The following CSF2RB variants were observed in gnomAD, a reference collection of about 807,000 sequenced individuals.
CSF2RB encodes cytokine receptor common subunit beta.
A neutral mutation model predicts 67.2 loss-of-function variants in CSF2RB; 22 were observed. That is an observed-to-expected ratio of 0.33 (90% CI 0.23 to 0.47). The LOEUF is 0.47. Among genes scored for constraint, CSF2RB ranks in the 20% least tolerant of loss-of-function variants. CSF2RB has a pLI of 1.00. For missense variants in CSF2RB, 1,113 were observed against 1,174.5 expected (o/e 0.95, Z 0.76); for synonymous variants, 507 against 482.9 (o/e 1.05, Z -0.65).
intron 6 of CSF2RB, 73 bp downstream of exon 6, chr22:36,929,880 G>T: frequency 6.5e-6 from 10 of 1,548,084 alleles, no homozygotes; most frequent in Non-Finnish European, 8.7e-6. Flanking sequence ...GGCACAGCAG[G>T]GTTCCTGGGC....
intron 8 of CSF2RB, 53 bp downstream of exon 8, chr22:36,930,883 A>G: frequency 1.2e-6 from 2 of 1,601,352 alleles, no homozygotes; most frequent in East Asian, 4.5e-5. Flanking sequence ...GCACACCCTC[A>G]TTGTGTAACC....
intron 3 of CSF2RB, among the ~76,000 whole-genome samples, 190 bp downstream of exon 3, chr22:36,923,557 C>T (rs367789196): frequency 1.3e-3 from 202 of 152,342 alleles, no homozygotes; most frequent in South Asian, 1.7e-3. Flanking sequence ...GTGCTGCCGT[C>T]TGACCTGGGG....
chr22:36,929,661 A>G lies in CSF2RB; in HGVS notation c.572A>G (p.Asn191Ser), dbSNP rs113156338. 8.2e-5 allele frequency: 133 copies of G among 1,614,034 alleles called. 1 individual carries two copies. The African/African-American group carries it at 1.4e-3, about 17-fold the overall frequency. ...CAGGACGCAGCCATCCTCCTCTCCA[A>G]CACCTCCCAGGCCACCCTGGGGCCA... ...SWEDAAILLS[N>S]TSQATLGPEH... The change falls in exon 6 of 14, where the codon AAC becomes AGC. Residue 191 changes from asparagine (N) to serine (S), a missense_variant. Asn to Ser is a conservative substitution (Grantham distance 46). Transcript: ENST00000403662.
chr22:36,933,727 A>G (rs1941208624), intron 9 of CSF2RB, 105 bp from the exon 10 acceptor site: 1 of 1,438,152 alleles, frequency 7.0e-7, no homozygotes, highest in Non-Finnish European at 9.4e-7. Flanking sequence ...GGCCTGGGGT[A>G]TGGCAGGAGC....
intron 4 of CSF2RB, among the ~76,000 whole-genome samples, chr22:36,926,643 G>A (rs1941023769): frequency 6.6e-6 from 1 of 152,332 alleles, no homozygotes; most frequent in South Asian, 2.1e-4. Flanking sequence ...GGTAGACAGG[G>A]AGCTTGTCTC....
chr22:36,938,469 T>C lies in CSF2RB; in HGVS notation c.2661T>C (p.Pro887=). 6.2e-7 allele frequency: 1 copy of C among 1,613,864 alleles called. No individual in the cohort carries two copies. The highest frequency in any genetic ancestry group is 8.5e-7 in the Non-Finnish European group (1 of 1,179,896). ...LKQQDYLSLP[P]WEVNKPGEVC ...AGCAGGACTACCTGTCTCTGCCCCC[T>C]TGGGAGGTCAACAAGCCTGGGGAGG... Residue 887 remains proline, a synonymous_variant, in exon 14 of 14, where the codon CCT becomes CCC. Coordinates refer to ENST00000403662, the MANE Select transcript of CSF2RB (RefSeq NM_000395.3).
At chr22:36,924,423 G>T (rs1156987319) in intron 3 of CSF2RB, among the ~76,000 whole-genome samples, 3 of 152,086 alleles carry the variant, frequency 2.0e-5, no homozygotes, top group Non-Finnish European at 4.4e-5. Context: ...CCTCTCCCAG[G>T]ATCTTTCCCA....
rs1941290919 is a variant in CSF2RB at position 36,937,408 on chromosome 22, G to A, written c.1600G>A (p.Val534Met). 7.4e-6 allele frequency: 12 copies of A among 1,613,878 alleles called. No individual in the cohort carries two copies. Among genetic ancestry groups the A allele is most frequent in the Non-Finnish European group, 1.0e-5 (12 of 1,179,972 alleles). ...VFPVGFGDSE[V>M]SPLTIEDPKH... ...CCCTGTAGGATTCGGGGACAGCGAG[G>A]TGTCACCTCTCACCATAGAGGACCC... Residue 534 changes from valine (V) to methionine (M), a missense_variant, in exon 14 of 14, where the codon GTG becomes ATG. Physicochemically the swap from Val to Met is conservative, Grantham distance 21 (BLOSUM62 1). Transcript: ENST00000403662. This position sits in a 1 kb window ranked among gnomAD's most constrained non-coding sequence, Gnocchi z 4.6.
Position 36,938,822 on chromosome 22 carries a change from G to T in CSF2RB, c.*320G>T. 5.6e-6 allele frequency: 3 copies of T among 539,620 alleles called. No homozygotes were observed. Among genetic ancestry groups the T allele is most frequent in the Non-Finnish European group, 9.8e-6 (3 of 306,302 alleles). The allele number at this position is 539,620 out of a possible 1,614,324, so 33.4% of individuals were successfully genotyped here. A position where few individuals can be genotyped will look rare whatever the true frequency, so the allele number is the denominator to read the frequency against. Reference sequence around the variant, plus strand: ...CTCATTTTTTTAATCAGGTTTCCTTGCTTTTGCCATTTTTCTTCCTTCTTT... The same window carrying T: ...CTCATTTTTTTAATCAGGTTTCCTTTCTTTTGCCATTTTTCTTCCTTCTTT... On this transcript the variant is annotated 3_prime_UTR_variant, in exon 14 of 14. Coordinates refer to ENST00000403662, the MANE Select transcript of CSF2RB (RefSeq NM_000395.3).
rs759066594 is a variant in CSF2RB at position 36,938,449 on chromosome 22, G to A, written c.2641G>A (p.Asp881Asn). The change falls in exon 14 of 14, where the codon GAC becomes AAC. Residue 881 changes from aspartate (D) to asparagine (N), a missense_variant. Asp to Asn is a conservative substitution (Grantham distance 23). This residue lies in a region of CSF2RB where 554 missense variants were observed against 517.9 expected (regional missense o/e 1.07). Coordinates refer to ENST00000403662, the MANE Select transcript of CSF2RB (RefSeq NM_000395.3). ...IQLFKALKQQ[D>N]YLSLPPWEVN... ...GCTCTTCAAAGCCCTGAAGCAGCAG[G>A]ACTACCTGTCTCTGCCCCCTTGGGA... The A allele has an allele frequency of 1.1e-5, 18 of 1,614,148 alleles. No individual in the cohort carries two copies. The highest frequency in any genetic ancestry group is 1.4e-5 in the Non-Finnish European group (17 of 1,180,020).
At chr22:36,930,573 C>G in intron 7 of CSF2RB, 63 bp downstream of exon 7, 6 of 1,611,578 alleles carry the variant, frequency 3.7e-6, no homozygotes, top group Non-Finnish European at 5.1e-6. Context: ...AAGCTTCCTC[C>G]TGTCCCTGGG....
At position 36,936,639 on chromosome 22, in the gene CSF2RB, C is replaced by G; in HGVS notation, c.1555C>G (p.Pro519Ala). ...CCAGGGGCCGTGGGGCAGCCGCTTCCCTGAGCTGGAGGGGTGAGTGGGCTC... is the reference window on the plus strand; with the variant it reads ...CCAGGGGCCGTGGGGCAGCCGCTTCGCTGAGCTGGAGGGGTGAGTGGGCTC... ...PHQGPWGSRF[P>A]ELEGVFPVGF... Residue 519 changes from proline (P) to alanine (A), a missense_variant, in exon 13 of 14, where the codon CCT becomes GCT. Physicochemically the swap from Pro to Ala is conservative, Grantham distance 27. Around this residue, in one of 2 missense-constraint regions of CSF2RB, gnomAD observed 554 missense variants for 517.9 expected, o/e 1.07. Transcript: ENST00000403662. 4 of 1,613,510 alleles carry G rather than the reference C, an allele frequency of 2.5e-6. No homozygotes were observed. Among genetic ancestry groups the G allele is most frequent in the Non-Finnish European group, 3.4e-6 (4 of 1,179,930 alleles).
At position 36,938,663 on chromosome 22, in the gene CSF2RB, C is replaced by A. The variant is rs796132307; in HGVS notation, c.*161C>A. 1.3e-5 allele frequency: 9 copies of A among 675,200 alleles called. No homozygotes were observed. Among genetic ancestry groups the A allele is most frequent in the African/African-American group, 1.3e-4 (7 of 55,352 alleles). 41.8% of individuals were successfully genotyped at this position (675,200 alleles called of 1,614,324 possible). A position where few individuals can be genotyped will look rare whatever the true frequency, so the allele number is the denominator to read the frequency against. On this transcript the variant is annotated 3_prime_UTR_variant, in exon 14 of 14. Coordinates refer to ENST00000403662, the MANE Select transcript of CSF2RB (RefSeq NM_000395.3). ...TTGCTCCGGCCCCCTTGACCTTCAG[C>A]AAATCACTTCTCTCCCTGCGCTCAC...
chr22:36,930,817 G>C lies in CSF2RB; in HGVS notation c.999G>C (p.Lys333Asn). The change falls in exon 8 of 14, where the codon AAG becomes AAC. Residue 333 changes from lysine (K) to asparagine (N), a missense_variant. Physicochemically the swap from Lys to Asn is moderately conservative, Grantham distance 94 (BLOSUM62 0). Transcript: ENST00000403662. The stretch of plus-strand genomic sequence containing the variant: ...CAAGGAGGGCAGAGAAACACATAAA[G>C]AGCTCAGTGAACAGTGAGTTTGCTC... ...VQPRRAEKHI[K>N]SSVNIQMAPP... 1 of 1,614,150 alleles carries C rather than the reference G, an allele frequency of 6.2e-7. No individual in the cohort carries two copies. Among genetic ancestry groups the C allele is most frequent in the Non-Finnish European group, 8.5e-7 (1 of 1,180,024 alleles).
At chr22:36,931,540 G>A (rs571544559) in intron 8 of CSF2RB, among the ~76,000 whole-genome samples, 76 of 152,288 alleles carry the variant, frequency 5.0e-4, no homozygotes, top group African/African-American at 1.7e-3. Flanking sequence ...AGCAAATTAC[G>A]GGCATTCATA....
intron 1 of CSF2RB, among the ~76,000 whole-genome samples, chr22:36,921,274 GTGTGTGTATA>G (rs55812731): frequency 0.44 from 65,837 of 150,618 alleles, 16,293 homozygotes; most frequent in Admixed American, 0.58. Flanking sequence ...GTGCATGTTT[GTGTGTGTATA>G]TGTGTGTATA....
intron 8 of CSF2RB, among the ~76,000 whole-genome samples, chr22:36,932,505 C>CA (rs1172839393): frequency 6.6e-6 from 1 of 150,964 alleles, no homozygotes; most frequent in Non-Finnish European, 1.5e-5. Context: ...ATTTTTACTG[C>CA]AAAAAATAAA....
chr22:36,934,793 C>T (rs1046606829), intron 10 of CSF2RB, among the ~76,000 whole-genome samples: 6 of 152,242 alleles, frequency 3.9e-5, no homozygotes, highest in African/African-American at 9.6e-5. Context: ...GGCTTGGTAG[C>T]GGCAGGGGCC....
chr22:36,936,685 G>A (rs549910102), intron 13 of CSF2RB, 33 bp downstream of exon 13: 14 of 1,576,540 alleles, frequency 8.9e-6, no homozygotes, highest in Middle Eastern at 1.7e-4. Context: ...CCTGACCTTT[G>A]GGGTTCATAC....
Sources: allele counts gnomAD v4.1 joint callset (sites outside exome capture counted in the v4.1 genomes callset), GRCh38; gene constraint gnomAD v4.1.1; regional missense constraint gnomAD v4.1.1; non-coding constraint Gnocchi (gnomAD v3.1); transcripts MANE v1.5; gene names NCBI Gene and HGNC (gene_info 2026-07-23, HGNC 2026-07-21).